NBEA: variants seen among roughly 807,000 people sequenced by gnomAD.
NBEA encodes neurobeachin, also known as lysosomal-trafficking regulator 2.
A neutral mutation model predicts 343.4 loss-of-function variants in NBEA; 44 were observed. That is an observed-to-expected ratio of 0.13 (90% CI 0.10 to 0.16). The LOEUF is 0.16. Among genes scored for constraint, NBEA ranks in the 10% least tolerant of loss-of-function variants. The pLI, the probability that NBEA is intolerant of heterozygous loss-of-function variation, is 1.00. For missense variants in NBEA, 2,555 were observed against 3,631.3 expected (o/e 0.70, Z 7.62); for synonymous variants, 1,175 against 1,238.7 (o/e 0.95, Z 1.08).
intron 41 of NBEA, among the ~76,000 whole-genome samples, chr13:35,534,275 A>G (rs1406179207): frequency 6.6e-6 from 1 of 151,732 alleles, no homozygotes; most frequent in Admixed American, 6.6e-5. Flanking sequence ...AAAACAAAAC[A>G]CTCTAGCCCT....
At chr13:35,518,348 C>G (rs2077563517) in intron 41 of NBEA, among the ~76,000 whole-genome samples, 1 of 151,866 alleles carries the variant, frequency 6.6e-6, no homozygotes, top group Middle Eastern at 3.4e-3. Flanking sequence ...ACTATTTATC[C>G]CCATTTAACA....
At chr13:35,330,800 G>GCTAT (rs1332780061) in intron 36 of NBEA, among the ~76,000 whole-genome samples, 4 of 151,912 alleles carry the variant, frequency 2.6e-5, no homozygotes, top group African/African-American at 9.7e-5. Flanking sequence ...TTTTCTAATA[G>GCTAT]CTATATAGAG....
chr13:35,446,156 T>C (rs552485564), intron 39 of NBEA, among the ~76,000 whole-genome samples: 3 of 152,248 alleles, frequency 2.0e-5, no homozygotes, highest in South Asian at 2.1e-4. Context: ...TCATCCTTTT[T>C]TATGGCTGCA....
intron 1 of NBEA, among the ~76,000 whole-genome samples, chr13:35,009,143 A>C (rs1209090825): frequency 6.6e-6 from 1 of 152,188 alleles, no homozygotes; most frequent in Non-Finnish European, 1.5e-5. Context: ...TTGCTGAATG[A>C]CTAAATTCAT....
In NBEA at chr13:35,260,280, A is replaced by G. The variant is rs531206656; in HGVS notation, c.5776+27661A>G. 5.6e-4 allele frequency among the ~76,000 whole-genome samples: 86 copies of G among 152,362 alleles called. 1 individual carries two copies. Among genetic ancestry groups the G allele is most frequent in the Non-Finnish European group, 1.1e-3 (75 of 68,030 alleles). On this transcript the variant is annotated intron_variant, in intron 34 of 58. Transcript: ENST00000379939. ...AGAGGCAGTGACATAGTGTTTTGAA[A>G]GAAAATTCTAAAAGACATACTTTGA...
At chr13:35,233,029 A>G (rs191081424) in intron 34 of NBEA, among the ~76,000 whole-genome samples, 202 of 152,214 alleles carry the variant, frequency 1.3e-3, no homozygotes, top group African/African-American at 4.8e-3. Flanking sequence ...ATCCTTAACT[A>G]AGAAGACATT....
chr13:35,349,930 G>A (rs919545361), intron 37 of NBEA, among the ~76,000 whole-genome samples: 13 of 152,050 alleles, frequency 8.5e-5, no homozygotes, highest in African/African-American at 1.2e-4. Flanking sequence ...AGCCACTATC[G>A]CTTTCAAACA....
chr13:35,570,758 C>T (rs1379631282), intron 45 of NBEA, among the ~76,000 whole-genome samples: 3 of 152,030 alleles, frequency 2.0e-5, no homozygotes, highest in Non-Finnish European at 4.4e-5. Context: ...CTGAGACTAT[C>T]CTGTATAAAA....
At chr13:35,464,059 A>G (rs924177567) in intron 40 of NBEA, among the ~76,000 whole-genome samples, 2 of 152,208 alleles carry the variant, frequency 1.3e-5, no homozygotes, top group African/African-American at 4.8e-5. Flanking sequence ...TTTTTTTCCA[A>G]AATATGAATT....
chr13:34,963,579 A>G (rs2059727501), intron 1 of NBEA, among the ~76,000 whole-genome samples: 1 of 152,040 alleles, frequency 6.6e-6, no homozygotes, highest in Non-Finnish European at 1.5e-5. Context: ...TAGTGATAAA[A>G]ATGTAAGGTC....
intron 31 of NBEA, among the ~76,000 whole-genome samples, chr13:35,204,118 G>A (rs909642464): frequency 6.6e-6 from 1 of 152,098 alleles, no homozygotes; most frequent in African/African-American, 2.4e-5. Flanking sequence ...CTCATTGCTC[G>A]CATTACTGCC....
intron 49 of NBEA, among the ~76,000 whole-genome samples, chr13:35,639,351 A>C (rs1338144400): frequency 6.6e-6 from 1 of 152,134 alleles, no homozygotes; most frequent in African/African-American, 2.4e-5. Flanking sequence ...GCTTTATATG[A>C]TCTTGTTTTA....
In NBEA at chr13:35,349,264, A is replaced by G. The variant is rs745690617; in HGVS notation, c.6012+48A>G. ...AATTCTGCCTTTCTATTATAAGCCAAAAATCACCTATCTGTGACCTTACAT... is the reference window on the plus strand; with the variant it reads ...AATTCTGCCTTTCTATTATAAGCCAGAAATCACCTATCTGTGACCTTACAT... On this transcript the variant is annotated intron_variant, in intron 37 of 58. Transcript: ENST00000379939. 21 of 1,080,008 alleles carry G rather than the reference A, an allele frequency of 1.9e-5. No homozygotes were observed. The South Asian group carries it at 2.4e-4, about 13-fold the overall frequency. 66.9% of individuals were successfully genotyped at this position (1,080,008 alleles called of 1,614,324 possible). A position where few individuals can be genotyped will look rare whatever the true frequency, so the allele number is the denominator to read the frequency against.
At chr13:35,194,684 C>T (rs892157320) in intron 30 of NBEA, among the ~76,000 whole-genome samples, 1 of 151,992 alleles carries the variant, frequency 6.6e-6, no homozygotes, top group Admixed American at 6.6e-5. Context: ...CTCCATTATA[C>T]TTAGATGAGA....
At chr13:35,107,274 G>GT (rs1349888657) in intron 11 of NBEA, among the ~76,000 whole-genome samples, 1 of 147,874 alleles carries the variant, frequency 6.8e-6, no homozygotes, top group Non-Finnish European at 1.5e-5. Flanking sequence ...ACTTGTTTTG[G>GT]TTCCCCCCCC....
At chr13:35,049,000 G>A (rs2062965416) in intron 5 of NBEA, among the ~76,000 whole-genome samples, 1 of 151,690 alleles carries the variant, frequency 6.6e-6, no homozygotes, top group Admixed American at 6.6e-5. Flanking sequence ...GCTGGTCCCT[G>A]AAAAAAATTC....
intron 38 of NBEA, among the ~76,000 whole-genome samples, chr13:35,389,970 A>AGTGTGTGTGTGTGTGTGTGTGTGTGT (rs10523765): frequency 7.2e-6 from 1 of 137,962 alleles, no homozygotes; most frequent in African/African-American, 2.7e-5. Flanking sequence ...TCTTTTGTAG[A>AGTGTGTGTGTGTGTGTGTGTGTGTGT]GTGTGTGTGT....
chr13:35,059,372 G>A (rs961562772), intron 8 of NBEA, among the ~76,000 whole-genome samples: 4 of 151,786 alleles, frequency 2.6e-5, no homozygotes, highest in African/African-American at 7.2e-5. Flanking sequence ...ACTAATTAAT[G>A]TAATTTATCA....
Position 35,142,391 on chromosome 13 carries a change from A to T in NBEA, c.2445+14A>T. 2 of 1,589,294 alleles carry T rather than the reference A, an allele frequency of 1.3e-6. No individual in the cohort carries two copies. Among genetic ancestry groups the T allele is most frequent in the Non-Finnish European group, 1.7e-6 (2 of 1,158,748 alleles). On this transcript the variant is annotated intron_variant, in intron 18 of 58. Coordinates refer to ENST00000379939, the MANE Select transcript of NBEA (RefSeq NM_001385012.1). ...ACACTTTATGAGGTAAAAATAAAAA[A>T]TGTGTGATGAAAGTTTTAAGTGTAT... is the stretch of plus-strand genomic sequence containing the variant.
Sources: gnomAD v4.1 joint callset for allele counts (sites outside exome capture counted in the v4.1 genomes callset) on GRCh38, gnomAD v4.1.1 for gene constraint, MANE v1.5 for transcripts, NCBI Gene and HGNC (gene_info 2026-07-23, HGNC 2026-07-21) for gene names.